DLGAP1: variants seen among roughly 807,000 people sequenced by gnomAD.
The protein encoded by DLGAP1 is disks large-associated protein 1.
Under a neutral mutation model 90.8 loss-of-function variants are expected in DLGAP1, and 11 were observed. That is an observed-to-expected ratio of 0.12 (90% CI 0.08 to 0.20). The LOEUF (loss-of-function observed/expected upper bound fraction) is 0.20. DLGAP1 is among the 10% of genes least tolerant of loss of function. The pLI is 1.00. For missense variants in DLGAP1, 1,050 were observed against 1,333.8 expected (o/e 0.79, Z 3.31); for synonymous variants, 558 against 540.7 (o/e 1.03, Z -0.44).
chr18:3,806,495 A>G (rs1321381671), intron 5 of DLGAP1, among the ~76,000 whole-genome samples: 9 of 152,240 alleles, frequency 5.9e-5, no homozygotes, highest in African/African-American at 2.2e-4. Flanking sequence ...GGTATAAATG[A>G]TGGACACAGT....
intron 1 of DLGAP1, among the ~76,000 whole-genome samples, chr18:4,406,326 T>C (rs1479272180): frequency 6.6e-6 from 1 of 152,220 alleles, no homozygotes; most frequent in Non-Finnish European, 1.5e-5. Flanking sequence ...TACTTGAGCA[T>C]GGAAACTTGG....
At chr18:3,837,635 G>A (rs1447237967) in intron 4 of DLGAP1, among the ~76,000 whole-genome samples, 1 of 152,072 alleles carries the variant, frequency 6.6e-6, no homozygotes, top group Non-Finnish European at 1.5e-5. Context: ...GATTGCCTGA[G>A]CTCGGGAGTT....
intron 7 of DLGAP1, among the ~76,000 whole-genome samples, chr18:3,599,720 A>G (rs750227589): frequency 8.5e-5 from 13 of 152,074 alleles, no homozygotes; most frequent in Non-Finnish European, 1.5e-4. Context: ...CCCGGGTTCA[A>G]GCGATTCCCC....
rs1403827131 is a variant in DLGAP1, at chr18:4,455,251, C to T, written c.-512G>A. 6.6e-6 allele frequency: 1 copy of T among 152,476 alleles called. No homozygotes were observed. The highest frequency in any genetic ancestry group is 2.4e-5 in the African/African-American group (1 of 41,438). The allele number at this position is 152,476 out of a possible 1,614,324, so 9.4% of individuals were successfully genotyped here. A position where few individuals can be genotyped will look rare whatever the true frequency, so the allele number is the denominator to read the frequency against. ...GCGGCGCCCGAAGCGCAGCGCTCGC[C>T]TCTGGAGCGGAGGCTGAGCGCCGGG... is the stretch of plus-strand genomic sequence containing the variant. On this transcript the variant is annotated 5_prime_UTR_variant, in exon 1 of 13. Coordinates refer to ENST00000315677, the MANE Select transcript of DLGAP1 (RefSeq NM_004746.4).
intron 3 of DLGAP1, among the ~76,000 whole-genome samples, chr18:3,954,214 T>G (rs536080239): frequency 6.6e-6 from 1 of 152,352 alleles, no homozygotes; most frequent in East Asian, 1.9e-4. Context: ...AGTATTTTTT[T>G]AAAGTTATCT....
intron 8 of DLGAP1, among the ~76,000 whole-genome samples, chr18:3,570,972 C>T (rs579059): frequency 1.6e-3 from 240 of 147,542 alleles, no homozygotes; most frequent in African/African-American, 5.4e-3. Flanking sequence ...CAAACCAAAA[C>T]AAAAATCTCT....
intron 1 of DLGAP1, among the ~76,000 whole-genome samples, chr18:4,433,761 A>G (rs1313659513): frequency 6.6e-6 from 1 of 152,234 alleles, no homozygotes; most frequent in East Asian, 1.9e-4. Flanking sequence ...ACCTATGCAA[A>G]TATATGTGAC....
intron 2 of DLGAP1, among the ~76,000 whole-genome samples, chr18:4,045,258 A>G (rs2075032241): frequency 6.6e-6 from 1 of 151,678 alleles, no homozygotes; most frequent in Non-Finnish European, 1.5e-5. Flanking sequence ...ACTTTCTCCA[A>G]TAAAAAAAGT....
chr18:4,354,149 T>C (rs1180295320), intron 1 of DLGAP1, among the ~76,000 whole-genome samples: 1 of 152,208 alleles, frequency 6.6e-6, no homozygotes, highest in Non-Finnish European at 1.5e-5. Context: ...AGCCTCTTTC[T>C]GGCCTTCTGC....
chr18:4,114,356 T>C (rs934219043), intron 2 of DLGAP1, among the ~76,000 whole-genome samples: 3 of 152,010 alleles, frequency 2.0e-5, no homozygotes, highest in African/African-American at 7.2e-5. Flanking sequence ...TACTTTATTA[T>C]TATTTTTTGT....
chr18:3,872,410 C>A (rs2070809468), intron 4 of DLGAP1, among the ~76,000 whole-genome samples: 1 of 151,442 alleles, frequency 6.6e-6, no homozygotes, highest in African/African-American at 2.4e-5. Flanking sequence ...ATAAGTAAAT[C>A]AGTCACTGAA....
Position 4,265,067 on chromosome 18 carries a change from A to T in DLGAP1, c.-266-113780T>A, listed in dbSNP as rs551858032. Among the ~76,000 whole-genome samples, 21 of 151,906 alleles carry T rather than the reference A, an allele frequency of 1.4e-4. No individual in the cohort carries two copies. The South Asian group carries it at 3.7e-3, about 27-fold the overall frequency. On this transcript the variant is annotated intron_variant, in intron 1 of 12. Coordinates refer to ENST00000315677, the MANE Select transcript of DLGAP1 (RefSeq NM_004746.4). ...AAAATTCTTTCTCTCAAATAATGAC[A>T]GATTTCCGGTAAATCTTAATCATAT...
intron 1 of DLGAP1, among the ~76,000 whole-genome samples, chr18:4,299,745 C>T (rs188243994): frequency 6.6e-6 from 1 of 152,178 alleles, no homozygotes; most frequent in African/African-American, 2.4e-5. Context: ...AGGACAATAT[C>T]AAGTATCAGG....
intron 1 of DLGAP1, among the ~76,000 whole-genome samples, chr18:4,245,662 T>C (rs1193225543): frequency 6.6e-6 from 1 of 152,184 alleles, no homozygotes; most frequent in African/African-American, 2.4e-5. Flanking sequence ...CAGCAGGAAA[T>C]AATGATGTAT....
At chr18:3,708,592 A>T (rs982735775) in intron 7 of DLGAP1, 6 of 453,232 alleles carry the variant, frequency 1.3e-5, no homozygotes, top group Admixed American at 1.2e-4. Flanking sequence ...AGGATGAGGG[A>T]ATCTGTTTGC....
At chr18:3,874,032 C>T in intron 4 of DLGAP1, 1 of 1,488,966 alleles carries the variant, frequency 6.7e-7, no homozygotes, top group Non-Finnish European at 9.0e-7. Context: ...GTCTTTCTAG[C>T]CATTATTTAG....
intron 7 of DLGAP1, among the ~76,000 whole-genome samples, chr18:3,588,829 A>G (rs2056066418): frequency 1.3e-5 from 2 of 151,718 alleles, no homozygotes. Flanking sequence ...AGAAAACAAC[A>G]CATTCCTATC....
At chr18:3,866,608 A>C in intron 4 of DLGAP1, among the ~76,000 whole-genome samples, 1 of 152,230 alleles carries the variant, frequency 6.6e-6, no homozygotes, top group African/African-American at 2.4e-5. Context: ...AAAGTACAAA[A>C]TGCACTGGGC....
At chr18:4,366,288 G>C (rs945571100) in intron 1 of DLGAP1, among the ~76,000 whole-genome samples, 8 of 152,020 alleles carry the variant, frequency 5.3e-5, no homozygotes, top group Middle Eastern at 3.2e-3. Context: ...TTTGGAATTG[G>C]AAATTTTGAA....
Sources: gnomAD v4.1 joint callset for allele counts (sites outside exome capture counted in the v4.1 genomes callset) on GRCh38, gnomAD v4.1.1 for gene constraint, MANE v1.5 for transcripts, NCBI Gene and HGNC (gene_info 2026-07-23, HGNC 2026-07-21) for gene names.